The following LEMD2 variants were observed in gnomAD, a reference collection of about 807,000 sequenced individuals.
LEMD2 encodes LEM domain-containing protein 2.
A neutral mutation model predicts 58.8 loss-of-function variants in LEMD2; 34 were observed. The observed-to-expected ratio is 0.58, with a 90% CI of 0.44 to 0.77. LEMD2 has a LOEUF of 0.77. Among genes scored for constraint, LEMD2 ranks in the 30% least tolerant of loss-of-function variants. LEMD2 has a pLI of 0.00. For missense variants in LEMD2, 629 were observed against 717.9 expected (o/e 0.88, Z 1.42); for synonymous variants, 298 against 308.9 (o/e 0.96, Z 0.37).
intron 4 of LEMD2, chr6:33,780,442 G>A (rs769618831): frequency 6.0e-6 from 3 of 503,892 alleles, no homozygotes; most frequent in Non-Finnish European, 7.3e-6. Context: ...TGATTCTCTC[G>A]AGGATGGAAG....
chr6:33,782,774 T>C (rs114848098), intron 3 of LEMD2, among the ~76,000 whole-genome samples: 568 of 152,344 alleles, frequency 3.7e-3, no homozygotes, highest in African/African-American at 0.012. Flanking sequence ...GTCATCTCAC[T>C]GCAAGGGCCT....
chr6:33,788,323 GTCC>G (rs938888585), intron 1 of LEMD2, 55 bp downstream of exon 1: 168 of 1,478,430 alleles, frequency 1.1e-4, no homozygotes, highest in Non-Finnish European at 1.5e-4. Context: ...GGAACGGGGG[GTCC>G]TCCGGCGGAC....
At chr6:33,775,127 A>C (rs1185979138) in intron 8 of LEMD2, among the ~76,000 whole-genome samples, 6 of 152,158 alleles carry the variant, frequency 3.9e-5, no homozygotes, top group Non-Finnish European at 7.4e-5. Flanking sequence ...ATTGGGTGGG[A>C]GTTTGAGTAC....
At chr6:33,785,004 G>A (rs1418008441) in intron 2 of LEMD2, among the ~76,000 whole-genome samples, 1 of 152,210 alleles carries the variant, frequency 6.6e-6, no homozygotes, top group Admixed American at 6.5e-5. Flanking sequence ...CAGGAGGACA[G>A]ACGGTACCAG....
intron 2 of LEMD2, 50 bp from the exon 3 acceptor site, chr6:33,784,477 G>GGGGGGGGGGCCCCCCCCCCCC: frequency 2.3e-6 from 1 of 430,808 alleles, no homozygotes. Context: ...GGTGGGAGGG[G>GGGGGGGGGGCCCCCCCCCCCC]TCCGTCTGTC....
chr6:33,788,002 T>C (rs1346877997), intron 1 of LEMD2, among the ~76,000 whole-genome samples: 1 of 152,152 alleles, frequency 6.6e-6, no homozygotes, highest in African/African-American at 2.4e-5. Flanking sequence ...AGGCACTAAA[T>C]GTGTAAGCCA....
At chr6:33,783,364 T>G (rs112365217) in intron 3 of LEMD2, among the ~76,000 whole-genome samples, 53 of 152,310 alleles carry the variant, frequency 3.5e-4, no homozygotes, top group Non-Finnish European at 5.4e-4. Context: ...CTCATGAGAT[T>G]GACCCTGAGG....
At chr6:33,774,430 ATTTT>A (rs59520978) in intron 8 of LEMD2, among the ~76,000 whole-genome samples, 3 of 121,344 alleles carry the variant, frequency 2.5e-5, no homozygotes, top group Non-Finnish European at 3.4e-5. Context: ...TTGGTCTCCC[ATTTT>A]TTTTTTTTTT....
rs1313238137 is a variant in LEMD2, at chr6:33,788,362, G to C, written c.736+19C>G. 6.5e-7 allele frequency: 1 copy of C among 1,539,604 alleles called. No homozygotes were observed. The highest frequency in any genetic ancestry group is 1.4e-5 in the African/African-American group (1 of 72,480). ...ACACGCGCGCCCAGGGCCCTCCCCTGCGCCGGCCCAGGACGTACTGTTGTC... is the reference window on the plus strand; with the variant it reads ...ACACGCGCGCCCAGGGCCCTCCCCTCCGCCGGCCCAGGACGTACTGTTGTC... On this transcript the variant is annotated intron_variant, in intron 1 of 8. Coordinates refer to ENST00000293760, the MANE Select transcript of LEMD2 (RefSeq NM_181336.4).
chr6:33,784,471 GGAGGGGT>G, intron 2 of LEMD2, 44 bp from the exon 3 acceptor site: 2 of 437,562 alleles, frequency 4.6e-6, no homozygotes, highest in African/African-American at 2.1e-5. Context: ...GGGGTGGGTG[GGAGGGGT>G]CCGTCTGTCC....
chr6:33,777,057 C>A lies in LEMD2; in HGVS notation c.1259-1G>T. ...TCCACGTAATGGTCCTGGACCACGT[C>A]TGCAGGAGAGAGCACACCATTTAGG... On this transcript the variant is annotated splice_acceptor_variant, in intron 7 of 8. Coordinates refer to ENST00000293760, the MANE Select transcript of LEMD2 (RefSeq NM_181336.4). LOFTEE classifies it high-confidence loss of function. The A allele has an allele frequency of 6.2e-7, 1 of 1,613,792 alleles. No homozygotes were observed. The highest frequency in any genetic ancestry group is 8.5e-7 in the Non-Finnish European group (1 of 1,179,650).
chr6:33,787,120 CAAAAT>C (rs1381627672), intron 1 of LEMD2: 52 of 289,082 alleles, frequency 1.8e-4, no homozygotes, highest in Non-Finnish European at 2.3e-4. Context: ...CCAAACAAAA[CAAAAT>C]ATAGGAGTTT....
In LEMD2 at chr6:33,773,511, C is replaced by T. The variant is rs578063871; in HGVS notation, c.1362-733G>A. ...TGCAGCCCACCTCCCCATGACACCA[C>T]ACGTGGAAAGACAGTGACTGTGAGT... is the stretch of plus-strand genomic sequence containing the variant. On this transcript the variant is annotated intron_variant, in intron 8 of 8. Coordinates refer to ENST00000293760, the MANE Select transcript of LEMD2 (RefSeq NM_181336.4). Among the ~76,000 whole-genome samples the T allele has an allele frequency of 2.4e-4, 37 of 151,618 alleles. No individual in the cohort carries two copies. In the East Asian group the frequency reaches 4.9e-3, roughly 20 times the overall value.
chr6:33,774,430 ATTT>A (rs59520978), intron 8 of LEMD2, among the ~76,000 whole-genome samples: 21 of 121,334 alleles, frequency 1.7e-4, no homozygotes, highest in Admixed American at 2.5e-4. Context: ...TTGGTCTCCC[ATTT>A]TTTTTTTTTT....
At chr6:33,779,767 C>T (rs1000325346) in intron 5 of LEMD2, 3 of 237,936 alleles carry the variant, frequency 1.3e-5, no homozygotes, top group Non-Finnish European at 2.4e-5. Flanking sequence ...AGGGGAAGTG[C>T]AGAAAAATGC....
chr6:33,788,315 A>G, intron 1 of LEMD2, 66 bp downstream of exon 1: 1 of 1,464,734 alleles, frequency 6.8e-7, no homozygotes. Context: ...CGCCGACAGG[A>G]ACGGGGGGTC....
intron 1 of LEMD2, 112 bp from the exon 2 acceptor site, chr6:33,786,886 G>A (rs1582263954): frequency 1.3e-6 from 2 of 1,525,244 alleles, no homozygotes; most frequent in African/African-American, 1.4e-5. Flanking sequence ...AGCCAAGGGT[G>A]GGGATTAGAA....
intron 8 of LEMD2, among the ~76,000 whole-genome samples, chr6:33,774,172 T>C (rs2127377835): frequency 1.4e-5 from 2 of 148,138 alleles, no homozygotes; most frequent in South Asian, 4.4e-4. Flanking sequence ...CACTGACTTT[T>C]TTTTTTTTTT....
At chr6:33,774,719 C>G (rs1251369222) in intron 8 of LEMD2, among the ~76,000 whole-genome samples, 1 of 152,200 alleles carries the variant, frequency 6.6e-6, no homozygotes, top group Non-Finnish European at 1.5e-5. Context: ...CATGAGCCAC[C>G]GTGCCTGGCT....
Sources: gnomAD v4.1 joint callset for allele counts (sites outside exome capture counted in the v4.1 genomes callset) on GRCh38, gnomAD v4.1.1 for gene constraint, MANE v1.5 for transcripts, NCBI Gene and HGNC (gene_info 2026-07-23, HGNC 2026-07-21) for gene names.